The following OR4A15 variants were observed in gnomAD, a reference collection of about 807,000 sequenced individuals.
OR4A15 encodes the protein olfactory receptor 4A15.
For missense variants in OR4A15, 657 were observed against 374.7 expected (o/e 1.75, Z -6.22); for synonymous variants, 240 against 135.6 (o/e 1.77, Z -5.35).
chr11:55,368,897 G>A, exon 1 of OR4A15: 1 of 1,604,320 alleles, frequency 6.2e-7, no homozygotes, highest in South Asian at 1.1e-5. Context: ...GCTTAGCTGG[G>A]AAATGGCTGT....
exon 1 of OR4A15, chr11:55,368,645 G>A (rs766456355): frequency 1.9e-6 from 3 of 1,613,590 alleles, no homozygotes; most frequent in South Asian, 2.2e-5. Flanking sequence ...ACTCTCTTAA[G>A]ACTCAGAGTT....
At chr11:55,368,080 C>T (rs199660751) in exon 1 of OR4A15, 29 of 1,613,272 alleles carry the variant, frequency 1.8e-5, no homozygotes, top group African/African-American at 1.1e-4. Flanking sequence ...TACATGGTGA[C>T]GATAATGGGC....
exon 1 of OR4A15, chr11:55,368,898 A>G (rs757645722): frequency 6.2e-7 from 1 of 1,603,988 alleles, no homozygotes; most frequent in South Asian, 1.1e-5. Flanking sequence ...CTTAGCTGGG[A>G]AATGGCTGTA....
At chr11:55,368,727 T>A in exon 1 of OR4A15, 1 of 1,613,708 alleles carries the variant, frequency 6.2e-7, no homozygotes, top group Non-Finnish European at 8.5e-7. Context: ...CTTTGTCCCC[T>A]GTATCTTCTT....
exon 1 of OR4A15, chr11:55,368,820 C>A (rs1172204326): frequency 1.2e-6 from 2 of 1,613,196 alleles, no homozygotes; most frequent in African/African-American, 2.7e-5. Context: ...GCTGAACCCA[C>A]TAATCTATAC....
chr11:55,368,490 G>C, exon 1 of OR4A15: 1 of 1,611,802 alleles, frequency 6.2e-7, no homozygotes, highest in South Asian at 1.1e-5. Flanking sequence ...CAATGTCATT[G>C]ACAACTTCCT....
Sources: gnomAD v4.1 joint callset for allele counts on GRCh38, gnomAD v4.1.1 for gene constraint, MANE v1.5 for transcripts, NCBI Gene and HGNC (gene_info 2026-07-23, HGNC 2026-07-21) for gene names.